Variants in RNLS observed in about 807,000 individuals in gnomAD.
The protein encoded by RNLS is renalase.
RNLS carries 39 observed loss-of-function variants against 39.8 expected under a neutral mutation model. That is an observed-to-expected ratio of 0.98 (90% CI 0.76 to 1.28). The LOEUF (loss-of-function observed/expected upper bound fraction) is 1.28, where lower values mean the gene tolerates loss of function less well. Ranked by LOEUF, RNLS falls within the 50% of genes most tolerant of loss-of-function variation. The probability of loss-of-function intolerance (pLI) is 0.00; values close to 1 mark genes in which losing one functional copy is unlikely to be tolerated. For missense variants in RNLS, 410 were observed against 413.3 expected (o/e 0.99, Z 0.07); for synonymous variants, 147 against 150.7 (o/e 0.98, Z 0.18).
At chr10:88,580,110 G>C (rs1850449087) in intron 3 of RNLS, among the ~76,000 whole-genome samples, 1 of 152,130 alleles carries the variant, frequency 6.6e-6, no homozygotes, top group African/African-American at 2.4e-5. Context: ...GCTTTCCTGG[G>C]TGTCTACCTT....
chr10:88,538,183 C>T (rs1434703248), intron 4 of RNLS, among the ~76,000 whole-genome samples: 2 of 152,112 alleles, frequency 1.3e-5, no homozygotes, highest in Non-Finnish European at 2.9e-5. Context: ...TGAAAGCAAT[C>T]TTTCTTTGGA....
At chr10:88,229,190 T>A in the RNLS span, among the ~76,000 whole-genome samples, 2 of 152,232 alleles carry the variant, frequency 1.3e-5, no homozygotes, top group Non-Finnish European at 2.9e-5. Context: ...CTGTATCTGT[T>A]AGAATACCTG....
the RNLS span, among the ~76,000 whole-genome samples, chr10:88,180,350 C>T: frequency 6.6e-6 from 1 of 152,070 alleles, no homozygotes; most frequent in Non-Finnish European, 1.5e-5. Flanking sequence ...CAGTGAGATC[C>T]TTCTCTTATA....
chr10:88,324,283 G>A (rs201322105), intron 5 of RNLS, among the ~76,000 whole-genome samples: 5 of 152,108 alleles, frequency 3.3e-5, no homozygotes, highest in South Asian at 2.1e-4. Flanking sequence ...ACCTGCACAC[G>A]TACGTTCACT....
At chr10:88,312,218 A>G (rs1225687322) in intron 6 of RNLS, among the ~76,000 whole-genome samples, 9 of 152,234 alleles carry the variant, frequency 5.9e-5, no homozygotes, top group Admixed American at 4.6e-4. Context: ...GGTGGGCCCA[A>G]TGTCATCACA....
chr10:88,359,775 T>A (rs1849494159), intron 5 of RNLS, among the ~76,000 whole-genome samples: 1 of 152,264 alleles, frequency 6.6e-6, no homozygotes, highest in African/African-American at 2.4e-5. Context: ...CAAATTTGCA[T>A]AATTTTATAA....
chr10:88,444,064 C>A (rs1278694342), intron 4 of RNLS, among the ~76,000 whole-genome samples: 1 of 152,204 alleles, frequency 6.6e-6, no homozygotes, highest in Non-Finnish European at 1.5e-5. Flanking sequence ...AACTGGGAGG[C>A]ACCCCCCAGT....
intron 4 of RNLS, among the ~76,000 whole-genome samples, chr10:88,431,675 C>T (rs972221289): frequency 2.0e-5 from 3 of 151,584 alleles, no homozygotes; most frequent in Non-Finnish European, 3.0e-5. Context: ...GTTGTATTTT[C>T]GCATTAATTC....
chr10:88,521,528 A>C (rs993871834), intron 4 of RNLS, among the ~76,000 whole-genome samples: 7 of 152,038 alleles, frequency 4.6e-5, no homozygotes, highest in African/African-American at 1.7e-4. Flanking sequence ...ATTAGAATAT[A>C]ACAGAATAAG....
intron 5 of RNLS, among the ~76,000 whole-genome samples, chr10:88,323,252 A>G (rs764605113): frequency 2.0e-5 from 3 of 152,110 alleles, no homozygotes; most frequent in African/African-American, 7.2e-5. Context: ...CAAATTACCT[A>G]CATCATTTTT....
chr10:88,234,376 A>G, the RNLS span, among the ~76,000 whole-genome samples: 17 of 152,096 alleles, frequency 1.1e-4, no homozygotes, highest in Non-Finnish European at 2.2e-4. Flanking sequence ...GTGATGGGCC[A>G]TTCCAGGGAG....
intron 6 of RNLS, among the ~76,000 whole-genome samples, chr10:88,292,135 C>T (rs1843711494): frequency 1.3e-5 from 2 of 151,768 alleles, no homozygotes; most frequent in South Asian, 4.2e-4. Context: ...GTGGTACACT[C>T]TTTGCAGCCT....
downstream of RNLS, among the ~76,000 whole-genome samples, chr10:88,281,938 G>A (rs1186835077): frequency 6.6e-6 from 1 of 152,072 alleles, no homozygotes; most frequent in African/African-American, 2.4e-5. Flanking sequence ...AAGAAAAGAA[G>A]AGAGCAAAAC....
At chr10:88,412,455 G>T (rs792211) in intron 4 of RNLS, among the ~76,000 whole-genome samples, 102,421 of 151,678 alleles carry the variant, frequency 0.68, 35,212 homozygotes, top group African/African-American at 0.81. Context: ...TATCTCTGTG[G>T]TTCCAAACTC....
downstream of RNLS, among the ~76,000 whole-genome samples, chr10:88,282,576 C>T (rs1179110981): frequency 6.6e-6 from 1 of 151,606 alleles, no homozygotes; most frequent in African/African-American, 2.4e-5. Flanking sequence ...ACCCTGTTCT[C>T]TTCAGTTAAC....
At chr10:88,581,737 TG>T in intron 2 of RNLS, 28 bp from the exon 3 acceptor site, 3 of 1,435,240 alleles carry the variant, frequency 2.1e-6, no homozygotes, top group African/African-American at 1.5e-5. Context: ...GTATATTTAA[TG>T]TAATTATATA....
the RNLS span, among the ~76,000 whole-genome samples, chr10:88,181,854 G>A: frequency 8.0e-4 from 122 of 152,220 alleles, 3 homozygotes; most frequent in East Asian, 0.02. Flanking sequence ...AAGCCTTTGT[G>A]TTTTCTGTGT....
the RNLS span, among the ~76,000 whole-genome samples, chr10:88,177,233 T>C: frequency 6.6e-6 from 1 of 152,206 alleles, no homozygotes; most frequent in Non-Finnish European, 1.5e-5. Flanking sequence ...ATTTGTGTAA[T>C]GGTGTCCGTA....
the RNLS span, among the ~76,000 whole-genome samples, chr10:88,196,490 A>G: frequency 6.6e-6 from 1 of 152,204 alleles, no homozygotes; most frequent in East Asian, 1.9e-4. Context: ...CCCTCCCACA[A>G]AAGGCAGAGT....
Sources: gnomAD v4.1 joint callset for allele counts (sites outside exome capture counted in the v4.1 genomes callset) on GRCh38, gnomAD v4.1.1 for gene constraint, MANE v1.5 for transcripts, NCBI Gene and HGNC (gene_info 2026-07-23, HGNC 2026-07-21) for gene names.